Variants in JMJD1C observed in about 807,000 individuals in gnomAD.
JMJD1C encodes the protein jumonji domain containing 1C, also known as jumonji domain-containing protein 1C.
A neutral mutation model predicts 245.3 loss-of-function variants in JMJD1C; 31 were observed. The ratio of observed to expected loss-of-function variants is 0.13; its 90% confidence interval spans 0.09 to 0.17. The LOEUF (loss-of-function observed/expected upper bound fraction) is 0.17. Ranked by LOEUF, JMJD1C falls within the 10% of genes least tolerant of loss-of-function variation. The pLI is 1.00. For missense variants in JMJD1C, 2,691 were observed against 3,000.2 expected (o/e 0.90, Z 2.41); for synonymous variants, 1,057 against 1,017.4 (o/e 1.04, Z -0.74).
intron 2 of JMJD1C, among the ~76,000 whole-genome samples, chr10:63,281,131 C>CTT (rs754461363): frequency 0.046 from 5,617 of 122,918 alleles, 410 homozygotes; most frequent in African/African-American, 0.14. Context: ...CACACCCGGC[C>CTT]TTTTTTTTTT....
At chr10:63,168,215 ATAAT>A in intron 25 of JMJD1C, 81 bp from the exon 26 acceptor site, 1 of 1,179,908 alleles carries the variant, frequency 8.5e-7, no homozygotes, top group Non-Finnish European at 1.2e-6. Context: ...ATTTAAAAAA[ATAAT>A]AGGGAACTAG....
chr10:63,388,934 C>T (rs1025918659), intron 1 of JMJD1C, among the ~76,000 whole-genome samples: 6 of 151,988 alleles, frequency 3.9e-5, no homozygotes, highest in South Asian at 2.1e-4. Context: ...AATTATATAA[C>T]GATAAAAGAG....
At chr10:63,193,188 C>CTTCAATAATTCA (rs1472633393) in intron 15 of JMJD1C, 37 bp from the exon 16 acceptor site, 1 of 1,559,666 alleles carries the variant, frequency 6.4e-7, no homozygotes, top group South Asian at 1.1e-5. Context: ...TAAACACTTT[C>CTTCAATAATTCA]TTCAATAATT....
chr10:63,278,343 G>A (rs1371260003), intron 2 of JMJD1C, among the ~76,000 whole-genome samples: 1 of 87,378 alleles, frequency 1.1e-5, no homozygotes, highest in Non-Finnish European at 2.7e-5. Context: ...ACAATTAAAA[G>A]AGAATAATAA....
Position 63,207,205 on chromosome 10 carries a change from T to C in JMJD1C, c.4464A>G (p.Ala1488=), listed in dbSNP as rs377385483. ...TACTTTTATACTGAGCTGCAGCCAA[T>C]GCTGCCTTGTGCTTTTTTAAATGGA... is the stretch of plus-strand genomic sequence containing the variant. ...DFIHLKKHKA[A]LAAAQYKSSN... Residue 1488 remains alanine (A), a synonymous_variant, in exon 10 of 26, where the codon GCA becomes GCG. Coordinates refer to ENST00000399262, the MANE Select transcript of JMJD1C (RefSeq NM_032776.3). 4.6e-5 allele frequency: 75 copies of C among 1,614,110 alleles called. 1 individual carries two copies. The South Asian group carries it at 7.4e-4, about 16-fold the overall frequency.
chr10:63,272,972 G>A (rs987100399), intron 2 of JMJD1C, among the ~76,000 whole-genome samples: 1 of 152,068 alleles, frequency 6.6e-6, no homozygotes, highest in African/African-American at 2.4e-5. Context: ...TACATTCTTA[G>A]TAACACAAAT....
At chr10:63,413,980 C>T (rs947295816) in intron 1 of JMJD1C, among the ~76,000 whole-genome samples, 2 of 146,276 alleles carry the variant, frequency 1.4e-5, no homozygotes, top group Non-Finnish European at 3.0e-5. Context: ...AGTATGCTAT[C>T]AATACTTTTT....
At chr10:63,287,375 G>GT (rs1858113807) in intron 2 of JMJD1C, among the ~76,000 whole-genome samples, 1 of 152,240 alleles carries the variant, frequency 6.6e-6, no homozygotes, top group South Asian at 2.1e-4. Context: ...CGTATGTGAA[G>GT]TACCAGTCTC....
intron 18 of JMJD1C, among the ~76,000 whole-genome samples, chr10:63,188,211 G>A (rs1023251005): frequency 2.6e-5 from 4 of 152,072 alleles, no homozygotes; most frequent in Admixed American, 6.6e-5. Context: ...TTTGTGTGAC[G>A]CTTTTCTACC....
At chr10:63,391,409 C>T (rs1366668219) in intron 1 of JMJD1C, among the ~76,000 whole-genome samples, 1 of 152,012 alleles carries the variant, frequency 6.6e-6, no homozygotes, top group Admixed American at 6.6e-5. Context: ...ACTTGGGAGG[C>T]TGAGGCAGGA....
chr10:63,240,697 A>G (rs1851374643), intron 3 of JMJD1C, among the ~76,000 whole-genome samples: 1 of 152,212 alleles, frequency 6.6e-6, no homozygotes, highest in Non-Finnish European at 1.5e-5. Flanking sequence ...TTGAGTTTAT[A>G]TAATGAAAAG....
chr10:63,382,800 A>C (rs769388468), intron 1 of JMJD1C: 4 of 455,782 alleles, frequency 8.8e-6, no homozygotes, highest in South Asian at 6.2e-5. Context: ...GCTCCCTTAC[A>C]CCTGAAGAGT....
At chr10:63,221,571 TCTTTA>T (rs1436704698) in intron 3 of JMJD1C, among the ~76,000 whole-genome samples, 2 of 152,174 alleles carry the variant, frequency 1.3e-5, no homozygotes, top group African/African-American at 4.8e-5. Context: ...AACATGTCTT[TCTTTA>T]CTTTGCAAAG....
intron 2 of JMJD1C, among the ~76,000 whole-genome samples, chr10:63,361,627 A>C (rs1945332903): frequency 6.7e-6 from 1 of 150,084 alleles, no homozygotes; most frequent in Non-Finnish European, 1.5e-5. Flanking sequence ...TAAGTTAAGG[A>C]CTCAGTAAGA....
Position 63,268,092 on chromosome 10 carries a change from C to T in JMJD1C, c.334-3328G>A, listed in dbSNP as rs1038202103. ...TGCAGTCTTAGTTTCTAACAATCTC[C>T]GGTTAACAGTTAACAATTCCAAGTT... On this transcript the variant is annotated intron_variant, in intron 2 of 25. Transcript: ENST00000399262. 6.9e-5 allele frequency among the ~76,000 whole-genome samples: 10 copies of T among 145,378 alleles called. No homozygotes were observed. In the South Asian group the frequency reaches 2.2e-3, roughly 32 times the overall value.
At chr10:63,459,165 C>T (rs1438833808) in intron 1 of JMJD1C, among the ~76,000 whole-genome samples, 3 of 152,194 alleles carry the variant, frequency 2.0e-5, no homozygotes, top group Admixed American at 2.0e-4. Context: ...AAGTGGAGCA[C>T]ATTAATATTT....
chr10:63,321,759 G>A (rs1940897510), intron 2 of JMJD1C, among the ~76,000 whole-genome samples: 1 of 152,210 alleles, frequency 6.6e-6, no homozygotes, highest in South Asian at 2.1e-4. Flanking sequence ...GTGTACGCGA[G>A]TTAGGCACCT....
At chr10:63,281,721 G>A (rs908400071) in intron 2 of JMJD1C, among the ~76,000 whole-genome samples, 2 of 150,474 alleles carry the variant, frequency 1.3e-5, no homozygotes, top group African/African-American at 2.4e-5. Flanking sequence ...CTACCACCTC[G>A]GCCTTCCAAA....
intron 2 of JMJD1C, among the ~76,000 whole-genome samples, chr10:63,310,708 A>G (rs983343598): frequency 6.6e-6 from 1 of 152,252 alleles, no homozygotes; most frequent in Admixed American, 6.5e-5. Context: ...TATGTGATAT[A>G]GAACCAATAA....
Sources: allele counts gnomAD v4.1 joint callset (sites outside exome capture counted in the v4.1 genomes callset), GRCh38; gene constraint gnomAD v4.1.1; transcripts MANE v1.5; gene names NCBI Gene and HGNC (gene_info 2026-07-23, HGNC 2026-07-21).